Variants in VPS26C observed in about 807,000 individuals in gnomAD.
VPS26C encodes the protein VPS26 endosomal protein sorting factor C.
VPS26C carries 19 observed loss-of-function variants against 30.6 expected under a neutral mutation model. The observed-to-expected ratio is 0.62, with a 90% confidence interval of 0.43 to 0.91. The LOEUF is 0.91. VPS26C is among the 40% of genes least tolerant of loss of function. The pLI, the probability that VPS26C is intolerant of heterozygous loss-of-function variation, is 0.00. For missense variants in VPS26C, 318 were observed against 385.1 expected, an observed-to-expected ratio of 0.83 and a Z score of 1.46; for synonymous variants, 132 against 151.5, an observed-to-expected ratio of 0.87 and a Z score of 0.95.
At chr21:37,251,798 C>T (rs2086196316) in intron 1 of VPS26C, among the ~76,000 whole-genome samples, 5 of 152,260 alleles carry the variant, frequency 3.3e-5, no homozygotes, top group Middle Eastern at 6.8e-3. Context: ...ATTTTGATAA[C>T]CTATAGGCCT....
chr21:37,235,164 G>A (rs1220233718), intron 3 of VPS26C, among the ~76,000 whole-genome samples: 1 of 152,118 alleles, frequency 6.6e-6, no homozygotes, highest in Non-Finnish European at 1.5e-5. Context: ...CCACCACCAT[G>A]CCCGGCTAAT....
chr21:37,265,997 A>T (rs1047246639), intron 1 of VPS26C, among the ~76,000 whole-genome samples: 2 of 136,534 alleles, frequency 1.5e-5, no homozygotes, highest in African/African-American at 5.6e-5. Flanking sequence ...GTCTCACTGC[A>T]GCCTCCGCCT....
intron 1 of VPS26C, among the ~76,000 whole-genome samples, chr21:37,265,369 T>C (rs1249638033): frequency 1.3e-5 from 2 of 152,248 alleles, no homozygotes; most frequent in Admixed American, 1.3e-4. Context: ...GTTAGTATTT[T>C]GCCACATTCA....
intron 2 of VPS26C, 99 bp from the exon 3 acceptor site, chr21:37,238,708 G>T: frequency 7.0e-7 from 1 of 1,422,200 alleles, no homozygotes; most frequent in Non-Finnish European, 9.6e-7. Flanking sequence ...CGACCCCCTG[G>T]AGGCCACCAT....
At chr21:37,255,232 C>A (rs886717984) in intron 1 of VPS26C, among the ~76,000 whole-genome samples, 5 of 152,024 alleles carry the variant, frequency 3.3e-5, no homozygotes, top group African/African-American at 1.2e-4. Flanking sequence ...TCCTAATTTT[C>A]CATTGACAGG....
intron 1 of VPS26C, among the ~76,000 whole-genome samples, chr21:37,259,419 T>C (rs549818722): frequency 3.4e-4 from 50 of 149,130 alleles, no homozygotes; most frequent in African/African-American, 1.1e-3. Flanking sequence ...AGTAAATCTC[T>C]TATTTATGTT....
intron 1 of VPS26C, among the ~76,000 whole-genome samples, chr21:37,248,391 A>G (rs562963260): frequency 4.2e-4 from 64 of 152,252 alleles, no homozygotes; most frequent in African/African-American, 1.5e-3. Context: ...ATCAAAAAAG[A>G]AAAACACAAA....
At chr21:37,238,746 G>A in intron 2 of VPS26C, 137 bp from the exon 3 acceptor site, 1 of 942,096 alleles carries the variant, frequency 1.1e-6, no homozygotes, top group Admixed American at 2.6e-5. Context: ...CTCTGCGCTG[G>A]GTCTGGAGAT....
chr21:37,227,595 C>T, intron 7 of VPS26C, 59 bp downstream of exon 7: 2 of 1,591,948 alleles, frequency 1.3e-6, no homozygotes, highest in Admixed American at 3.4e-5. Flanking sequence ...ACAGCAGGCC[C>T]TGGCGCTGAG....
chr21:37,256,538 A>G (rs1195155556), intron 1 of VPS26C, among the ~76,000 whole-genome samples: 1 of 152,224 alleles, frequency 6.6e-6, no homozygotes, highest in Non-Finnish European at 1.5e-5. Flanking sequence ...TGACTTATTT[A>G]TAAGGAAACA....
At chr21:37,251,812 AGT>A (rs890201780) in intron 1 of VPS26C, among the ~76,000 whole-genome samples, 2 of 152,350 alleles carry the variant, frequency 1.3e-5, no homozygotes, top group Non-Finnish European at 2.9e-5. Flanking sequence ...TAGGCCTAAT[AGT>A]CTCTCCTCAG....
At position 37,238,677 on chromosome 21, in the gene VPS26C, G is replaced by A. The variant is rs144480411; in HGVS notation, c.202-68C>T. On this transcript the variant is annotated intron_variant, in intron 2 of 7. Coordinates refer to ENST00000309117, the MANE Select transcript of VPS26C (RefSeq NM_006052.2). ...AATGTCCTTTCCAATTACTAATAAC[G>A]TTCTGAAGGACACAGCACCCCGACC... The A allele has an allele frequency of 6.6e-5, 103 of 1,572,134 alleles. No individual in the cohort carries two copies. The African/African-American group carries it at 8.5e-4, about 13-fold the overall frequency.
In VPS26C at chr21:37,257,062, G is replaced by A. The variant is rs1362117763; in HGVS notation, c.57+10176C>T. On this transcript the variant is annotated intron_variant, in intron 1 of 7. Transcript: ENST00000309117. The surrounding 1 kb of genome is among the most constrained non-coding windows in gnomAD (Gnocchi z 4.2). Reference sequence around the variant, plus strand: ...CAGGAGAATCGCTTGAGCCTGGGAGGTGGAGGCTGCAGTGAGCTGAGACTG... The same window carrying A: ...CAGGAGAATCGCTTGAGCCTGGGAGATGGAGGCTGCAGTGAGCTGAGACTG... 6.6e-6 allele frequency among the ~76,000 whole-genome samples: 1 copy of A among 152,140 alleles called. No homozygotes were observed. The highest frequency in any genetic ancestry group is 1.9e-4 in the East Asian group (1 of 5,204).
intron 1 of VPS26C, among the ~76,000 whole-genome samples, chr21:37,258,156 C>A (rs923620038): frequency 2.6e-5 from 4 of 152,242 alleles, no homozygotes; most frequent in African/African-American, 9.6e-5. Context: ...AAACGTTGCC[C>A]AGTGACTTCA....
intron 1 of VPS26C, among the ~76,000 whole-genome samples, chr21:37,248,050 T>C (rs2086154651): frequency 6.6e-6 from 1 of 152,092 alleles, no homozygotes. Context: ...GATCAAACAG[T>C]GTCCACACTT....
At chr21:37,251,449 C>T (rs150367537) in intron 1 of VPS26C, among the ~76,000 whole-genome samples, 1,705 of 152,266 alleles carry the variant, frequency 0.011, 9 homozygotes, top group Non-Finnish European at 0.018. Context: ...GTCCAGTCTA[C>T]GCCCCCTCAC....
At chr21:37,251,146 C>A (rs532673619) in intron 1 of VPS26C, among the ~76,000 whole-genome samples, 1 of 152,258 alleles carries the variant, frequency 6.6e-6, no homozygotes, top group Non-Finnish European at 1.5e-5. Flanking sequence ...TGGGGATAAC[C>A]TGAAATGTTG....
intron 4 of VPS26C, chr21:37,232,754 A>C: frequency 4.3e-6 from 2 of 464,614 alleles, no homozygotes; most frequent in Non-Finnish European, 7.9e-6. Context: ...TACTTATTTG[A>C]AACCTCAGCA....
In VPS26C at chr21:37,225,323, CTTG is replaced by C. The variant is rs1294249333; in HGVS notation, c.*218_*220del. ...GTCTTGGCAAATAGCATTAAGAAATCTTGTTGAATTTCAAAGAAAAGGTCTGAT... is the reference window on the plus strand; with the variant it reads ...GTCTTGGCAAATAGCATTAAGAAATCTTGAATTTCAAAGAAAAGGTCTGAT... On this transcript the variant is annotated 3_prime_UTR_variant, in exon 8 of 8. Transcript: ENST00000309117. 3 of 559,708 alleles carry C rather than the reference CTTG, an allele frequency of 5.4e-6. No individual in the cohort carries two copies. Among genetic ancestry groups the C allele is most frequent in the Non-Finnish European group, 9.6e-6 (3 of 311,448 alleles). The allele number at this position is 559,708 out of a possible 1,614,324, so 34.7% of individuals were successfully genotyped here. A position where few individuals can be genotyped will look rare whatever the true frequency, so the allele number is the denominator to read the frequency against.
Sources: gnomAD v4.1 joint callset for allele counts (sites outside exome capture counted in the v4.1 genomes callset) on GRCh38, gnomAD v4.1.1 for gene constraint, Gnocchi (gnomAD v3.1) non-coding constraint, MANE v1.5 for transcripts, NCBI Gene and HGNC (gene_info 2026-07-23, HGNC 2026-07-21) for gene names.